Variants in DIP2C observed in about 807,000 individuals in gnomAD.
DIP2C encodes disco-interacting protein 2 homolog C.
DIP2C carries 33 observed loss-of-function variants against 192.4 expected under a neutral mutation model. That is an observed-to-expected ratio of 0.17 (90% CI 0.13 to 0.23). The LOEUF is 0.23. Ranked by LOEUF, DIP2C falls within the 10% of genes least tolerant of loss-of-function variation. DIP2C has a pLI of 1.00. For missense variants in DIP2C, 1,537 were observed against 2,110.1 expected (o/e 0.73, Z 5.32); for synonymous variants, 979 against 864.1 (o/e 1.13, Z -2.33).
chr10:557,002 G>A (rs957581843), intron 1 of DIP2C, among the ~76,000 whole-genome samples: 9 of 152,192 alleles, frequency 5.9e-5, no homozygotes, highest in African/African-American at 1.9e-4. Context: ...CTTCTCAGAT[G>A]GCCCAGGAGC....
intron 1 of DIP2C, among the ~76,000 whole-genome samples, chr10:512,480 TG>T (rs1306068578): frequency 1.3e-5 from 2 of 151,994 alleles, no homozygotes; most frequent in Non-Finnish European, 2.9e-5. Context: ...GGTGCTGAGG[TG>T]GGAGGATCAC....
At chr10:659,935 G>C (rs1856651760) in intron 1 of DIP2C, among the ~76,000 whole-genome samples, 1 of 152,206 alleles carries the variant, frequency 6.6e-6, no homozygotes, top group Non-Finnish European at 1.5e-5. Flanking sequence ...TGTCAAAATG[G>C]AAGGCAAAGA....
intron 1 of DIP2C, among the ~76,000 whole-genome samples, chr10:488,069 C>T (rs376198927): frequency 6.6e-6 from 1 of 152,206 alleles, no homozygotes; most frequent in Admixed American, 6.5e-5. Context: ...CACATGTGCA[C>T]GTGCTTGATT....
intron 1 of DIP2C, among the ~76,000 whole-genome samples, chr10:556,910 A>G (rs1564846158): frequency 1.3e-5 from 2 of 149,356 alleles, no homozygotes; most frequent in African/African-American, 5.1e-5. Flanking sequence ...AGCCCATCAA[A>G]CCTACATGCA....
intron 1 of DIP2C, among the ~76,000 whole-genome samples, chr10:610,091 G>A (rs77592745): frequency 0.012 from 1,804 of 152,326 alleles, 38 homozygotes; most frequent in African/African-American, 0.041. Flanking sequence ...CCGGTCAACA[G>A]GGGATGAAGG....
At position 314,428 on chromosome 10, in the gene DIP2C, C is replaced by T. The variant is rs529028483; in HGVS notation, c.3925-4336G>A. On this transcript the variant is annotated intron_variant, in intron 31 of 36. Transcript: ENST00000280886. ...GGGCTTCAGCTCAGCTTCCAGAGTGCTCTTCCCTCCCCGGTCTCGTCACCG... is the reference window on the plus strand; with the variant it reads ...GGGCTTCAGCTCAGCTTCCAGAGTGTTCTTCCCTCCCCGGTCTCGTCACCG... 5.3e-5 allele frequency among the ~76,000 whole-genome samples: 8 copies of T among 152,322 alleles called. No homozygotes were observed. In the South Asian group the frequency reaches 1.7e-3, roughly 32 times the overall value.
chr10:405,706 G>C (rs1964753066), intron 9 of DIP2C, among the ~76,000 whole-genome samples: 1 of 152,098 alleles, frequency 6.6e-6, no homozygotes, highest in Admixed American at 6.5e-5. Flanking sequence ...GTACTTCTTT[G>C]ATACTTCACT....
chr10:680,599 C>G lies in DIP2C; in HGVS notation c.85+8895G>C, dbSNP rs561895794. ...TTCATTTCAGGTAAACTGGCCCACA[C>G]GGTCTAGTTTACCTGCTGATAATTC... On this transcript the variant is annotated intron_variant, in intron 1 of 36. Coordinates refer to ENST00000280886, the MANE Select transcript of DIP2C (RefSeq NM_014974.3). Among the ~76,000 whole-genome samples, 9 of 152,274 alleles carry G rather than the reference C, an allele frequency of 5.9e-5. No individual in the cohort carries two copies. In the East Asian group the frequency reaches 1.7e-3, roughly 29 times the overall value.
At chr10:343,433 G>C (rs545265845) in intron 28 of DIP2C, among the ~76,000 whole-genome samples, 1 of 152,216 alleles carries the variant, frequency 6.6e-6, no homozygotes, top group Non-Finnish European at 1.5e-5. Flanking sequence ...AGCAAGAGGT[G>C]AGAGAACTTG....
intron 1 of DIP2C, among the ~76,000 whole-genome samples, chr10:638,208 G>A (rs966480588): frequency 3.9e-5 from 6 of 152,216 alleles, no homozygotes; most frequent in Non-Finnish European, 7.3e-5. Flanking sequence ...AATTCTAAAT[G>A]CAATGTTATT....
chr10:515,511 T>G (rs929290326), intron 1 of DIP2C, among the ~76,000 whole-genome samples: 1 of 151,984 alleles, frequency 6.6e-6, no homozygotes, highest in African/African-American at 2.4e-5. Context: ...TCACTTGAGG[T>G]AAGGAGTTCA....
intron 16 of DIP2C, among the ~76,000 whole-genome samples, chr10:383,280 A>C (rs1419268043): frequency 1.3e-5 from 2 of 152,160 alleles, no homozygotes; most frequent in South Asian, 2.1e-4. Flanking sequence ...TGTTTATAAA[A>C]CCTGTTTATG....
chr10:286,417 C>A lies in DIP2C; in HGVS notation c.4045-70G>T, dbSNP rs1016658375. The A allele has an allele frequency of 4.2e-5, 57 of 1,365,972 alleles. 4 individuals carry two copies. The South Asian group carries it at 6.4e-4, about 15-fold the overall frequency. 84.6% of individuals were successfully genotyped at this position (1,365,972 alleles called of 1,614,324 possible). On this transcript the variant is annotated intron_variant, in intron 33 of 36. Transcript: ENST00000280886. ...GGAGAGACTACACACAAGCCAACCT[C>A]AATCTCATCTTTATGCCATTTCCTT...
At chr10:325,705 T>A (rs1191875459) in intron 31 of DIP2C, among the ~76,000 whole-genome samples, 1 of 152,196 alleles carries the variant, frequency 6.6e-6, no homozygotes, top group Non-Finnish European at 1.5e-5. Flanking sequence ...TTTTAAGAAC[T>A]AGTTTGGTGA....
intron 1 of DIP2C, among the ~76,000 whole-genome samples, chr10:624,100 C>A (rs1371817453): frequency 6.6e-6 from 1 of 152,232 alleles, no homozygotes; most frequent in Non-Finnish European, 1.5e-5. Flanking sequence ...GACTCGGGAA[C>A]TGCCCAGCCC....
chr10:476,762 T>C (rs61839502), intron 2 of DIP2C, among the ~76,000 whole-genome samples: 188 of 152,322 alleles, frequency 1.2e-3, no homozygotes, highest in Non-Finnish European at 2.1e-3. Flanking sequence ...CTGGCTTGTT[T>C]TGAAAACAGG....
chr10:521,172 A>C (rs902386814), intron 1 of DIP2C, among the ~76,000 whole-genome samples: 9 of 152,242 alleles, frequency 5.9e-5, no homozygotes, highest in African/African-American at 2.2e-4. Context: ...GTAAATCAAT[A>C]TCCATATGTG....
At position 323,874 on chromosome 10, in the gene DIP2C, G is replaced by C. The variant is rs147802661; in HGVS notation, c.3924+3132C>G. ...GGCTCTATGGAGAGCCAGGGAGCGA[G>C]AGGTGGTTTCTGCCGCTGGATCCTG... On this transcript the variant is annotated intron_variant, in intron 31 of 36. Transcript: ENST00000280886. 1.1e-3 allele frequency among the ~76,000 whole-genome samples: 171 copies of C among 152,292 alleles called. 1 individual carries two copies. The highest frequency in any genetic ancestry group is 3.9e-3 in the African/African-American group (160 of 41,556).
chr10:533,999 T>C (rs1167428907), intron 1 of DIP2C, among the ~76,000 whole-genome samples: 2 of 99,572 alleles, frequency 2.0e-5, no homozygotes, highest in Non-Finnish European at 4.0e-5. Context: ...TTTGACATGC[T>C]TTAAAAAAAA....
Sources: gnomAD v4.1 joint callset for allele counts (sites outside exome capture counted in the v4.1 genomes callset) on GRCh38, gnomAD v4.1.1 for gene constraint, MANE v1.5 for transcripts, NCBI Gene and HGNC (gene_info 2026-07-23, HGNC 2026-07-21) for gene names.